The following CLNK variants were observed in gnomAD, a reference collection of about 807,000 sequenced individuals.
The protein encoded by CLNK is cytokine dependent hematopoietic cell linker, also known as cytokine-dependent hematopoietic cell linker.
In CLNK, 74 loss-of-function variants were observed where a neutral mutation model predicts 68.6. The observed-to-expected ratio is 1.08, with a 90% CI of 0.89 to 1.31. The LOEUF is 1.31. CLNK is among the 50% of genes most tolerant of loss of function. CLNK has a pLI of 0.00. For synonymous variants in CLNK, 198 were observed against 172.2 expected, an observed-to-expected ratio of 1.15 and a Z score of -1.17; for missense variants, 553 against 515.3, an observed-to-expected ratio of 1.07 and a Z score of -0.71.
the CLNK span, among the ~76,000 whole-genome samples, chr4:10,689,809 T>A: frequency 6.9e-6 from 1 of 144,638 alleles, no homozygotes; most frequent in African/African-American, 2.6e-5. Context: ...CCAGCATCTC[T>A]GATTTATTAC....
At chr4:10,700,520 C>A in the CLNK span, among the ~76,000 whole-genome samples, 1 of 152,142 alleles carries the variant, frequency 6.6e-6, no homozygotes, top group African/African-American at 2.4e-5. Flanking sequence ...AATCTCAGAA[C>A]CCAACTTGTG....
intron 11 of CLNK, among the ~76,000 whole-genome samples, chr4:10,538,901 T>C (rs1718906830): frequency 6.6e-6 from 1 of 152,156 alleles, no homozygotes; most frequent in Middle Eastern, 3.2e-3. Flanking sequence ...TGGTTAAAAA[T>C]AGTGTTGGTT....
chr4:10,730,395 A>G, the CLNK span, among the ~76,000 whole-genome samples: 1 of 152,124 alleles, frequency 6.6e-6, no homozygotes, highest in Admixed American at 6.5e-5. Context: ...TCCCTCCAAA[A>G]TATATCTGAA....
intron 1 of CLNK, among the ~76,000 whole-genome samples, chr4:10,679,811 A>T (rs1306354359): frequency 6.6e-6 from 1 of 152,186 alleles, no homozygotes; most frequent in South Asian, 2.1e-4. Flanking sequence ...TCAAAACCAC[A>T]ATGAGATACC....
chr4:10,635,071 G>C (rs1026730558), intron 2 of CLNK, among the ~76,000 whole-genome samples: 2 of 152,142 alleles, frequency 1.3e-5, no homozygotes, highest in Non-Finnish European at 2.9e-5. Flanking sequence ...CTGGTTTCTA[G>C]ATTGATGACA....
chr4:10,635,776 C>A (rs1028769582), intron 2 of CLNK: 1 of 152,126 alleles, frequency 6.6e-6, no homozygotes, highest in Non-Finnish European at 1.5e-5. Flanking sequence ...AGGTTAGATA[C>A]CTTGTCCAAA....
At chr4:10,524,511 A>G (rs1283615917) in intron 14 of CLNK, among the ~76,000 whole-genome samples, 1 of 152,238 alleles carries the variant, frequency 6.6e-6, no homozygotes, top group African/African-American at 2.4e-5. Flanking sequence ...CAAACATAGT[A>G]CATTCCCAGT....
chr4:10,723,232 G>T, the CLNK span, among the ~76,000 whole-genome samples: 1 of 152,122 alleles, frequency 6.6e-6, no homozygotes, highest in Non-Finnish European at 1.5e-5. Context: ...TAGAAAGTTG[G>T]GGGTTTTCCC....
Position 10,540,549 on chromosome 4 carries a change from T to G in CLNK, c.547A>C (p.Ser183Arg), listed in dbSNP as rs752662413. 5.6e-6 allele frequency: 9 copies of G among 1,613,812 alleles called. No homozygotes were observed. Among genetic ancestry groups the G allele is most frequent in the Non-Finnish European group, 7.6e-6 (9 of 1,179,856 alleles). Residue 183 changes from serine (S) to arginine (R), a missense_variant, in exon 11 of 19, where the codon AGC becomes CGC. Coordinates refer to ENST00000226951, the MANE Select transcript of CLNK (RefSeq NM_052964.4). ...TGTCTCTGAGATAAAGGTGGCCTGC[T>G]GCTCTCCGGCTCAGGGGGCAAGGGT... ...YQPLPPEPESSRPPLSQRHTF... is the reference protein window; with the variant it reads ...YQPLPPEPESRRPPLSQRHTF...
chr4:10,552,632 C>A (rs1719507498), intron 8 of CLNK, among the ~76,000 whole-genome samples: 1 of 152,056 alleles, frequency 6.6e-6, no homozygotes, highest in African/African-American at 2.4e-5. Flanking sequence ...ATCTCCACCC[C>A]AATCAATCAG....
At chr4:10,729,668 A>G in the CLNK span, among the ~76,000 whole-genome samples, 1 of 152,202 alleles carries the variant, frequency 6.6e-6, no homozygotes, top group South Asian at 2.1e-4. Context: ...CAAGTGAAAC[A>G]ATCAGAAATG....
intron 2 of CLNK, among the ~76,000 whole-genome samples, chr4:10,632,154 G>C (rs974481209): frequency 6.6e-6 from 1 of 152,242 alleles, no homozygotes; most frequent in African/African-American, 2.4e-5. Context: ...CCTTGGTTCA[G>C]TGAATGGCAA....
At chr4:10,583,614 G>A (rs1186326086) in intron 4 of CLNK, among the ~76,000 whole-genome samples, 1 of 152,186 alleles carries the variant, frequency 6.6e-6, no homozygotes, top group Non-Finnish European at 1.5e-5. Context: ...GACTGGGAAT[G>A]TCATAATTTG....
At chr4:10,576,104 C>A (rs1720554083) in intron 4 of CLNK, among the ~76,000 whole-genome samples, 1 of 152,142 alleles carries the variant, frequency 6.6e-6, no homozygotes, top group African/African-American at 2.4e-5. Flanking sequence ...TCAAATACAG[C>A]ATGTGGTACA....
chr4:10,708,917 A>C, the CLNK span, among the ~76,000 whole-genome samples: 1 of 152,218 alleles, frequency 6.6e-6, no homozygotes, highest in Non-Finnish European at 1.5e-5. Context: ...TACTTCTATG[A>C]TTACGCTATA....
intron 11 of CLNK, among the ~76,000 whole-genome samples, chr4:10,536,687 C>A (rs1018541320): frequency 2.0e-5 from 3 of 152,140 alleles, no homozygotes; most frequent in Admixed American, 6.5e-5. Context: ...CTTTACAGGG[C>A]TGCTGGAAAA....
intron 2 of CLNK, among the ~76,000 whole-genome samples, chr4:10,637,583 CTTTTTTTTTTT>C (rs1158317670): frequency 9.2e-4 from 66 of 71,440 alleles, no homozygotes; most frequent in Admixed American, 3.9e-3. Flanking sequence ...CACCATTCCT[CTTTTTTTTTTT>C]TTTTTTTTTT....
In CLNK at chr4:10,684,360, G is replaced by GGCCT. The variant is rs1205446268; in HGVS notation, c.-43+304_-43+307dup. Among the ~76,000 whole-genome samples, 12 of 152,238 alleles carry GGCCT rather than the reference G, an allele frequency of 7.9e-5. No individual in the cohort carries two copies. In the South Asian group the frequency reaches 2.5e-3, roughly 32 times the overall value. ...GGTCAGCCAGGAAAGCCAGCCATGG[G>GGCCT]GCCTGGTCTTTAGATTTCAGTTGCA... On this transcript the variant is annotated intron_variant, in intron 1 of 18. Coordinates refer to ENST00000226951, the MANE Select transcript of CLNK (RefSeq NM_052964.4).
chr4:10,542,575 G>C (rs1183717728), intron 8 of CLNK, among the ~76,000 whole-genome samples: 2 of 151,676 alleles, frequency 1.3e-5, no homozygotes, highest in Non-Finnish European at 2.9e-5. Context: ...ATTGCACATC[G>C]TGTGACTCTT....
Sources: gnomAD v4.1 joint callset for allele counts (sites outside exome capture counted in the v4.1 genomes callset) on GRCh38, gnomAD v4.1.1 for gene constraint, MANE v1.5 for transcripts, NCBI Gene and HGNC (gene_info 2026-07-23, HGNC 2026-07-21) for gene names.